The following EPYC variants were observed in gnomAD, a reference collection of about 807,000 sequenced individuals.
EPYC encodes dermatan sulfate proteoglycan 3.
In EPYC, 28 loss-of-function variants were observed where a neutral mutation model predicts 30.1. That is an observed-to-expected ratio of 0.93 (90% CI 0.69 to 1.28). The LOEUF (loss-of-function observed/expected upper bound fraction) is 1.28. EPYC is among the 50% of genes most tolerant of loss of function. EPYC has a pLI of 0.00. For synonymous variants in EPYC, 144 were observed against 141.4 expected, an observed-to-expected ratio of 1.02 and a Z score of -0.13; for missense variants, 382 against 383.5, an observed-to-expected ratio of 1.00 and a Z score of 0.03.
chr12:90,999,284 T>C (rs1377026659), intron 2 of EPYC, among the ~76,000 whole-genome samples: 2 of 152,084 alleles, frequency 1.3e-5, no homozygotes, highest in African/African-American at 2.4e-5. Context: ...ATCAAAGGCC[T>C]TAAGAATTAA....
rs148209465 is a variant in EPYC, at chr12:90,976,412, G to A, written c.340+1676C>T. Among the ~76,000 whole-genome samples, 29 of 152,094 alleles carry A rather than the reference G, an allele frequency of 1.9e-4. No homozygotes were observed. The East Asian group carries it at 5.4e-3, about 28-fold the overall frequency. On this transcript the variant is annotated intron_variant, in intron 3 of 6. Transcript: ENST00000261172. ...TTTAATCCTGACAACACCTCTATAA[G>A]GTAAGTTCTATTATTTATTATCCCA... is the stretch of plus-strand genomic sequence containing the variant.
chr12:90,995,954 A>G (rs1478006834), intron 2 of EPYC, among the ~76,000 whole-genome samples: 1 of 151,924 alleles, frequency 6.6e-6, no homozygotes, highest in Admixed American at 6.6e-5. Flanking sequence ...GGAAAAAGAT[A>G]TTTAATTCAG....
At chr12:90,978,535 C>G (rs570028694) in intron 2 of EPYC, among the ~76,000 whole-genome samples, 1 of 146,800 alleles carries the variant, frequency 6.8e-6, no homozygotes, top group South Asian at 2.2e-4. Context: ...TATGTTTGTT[C>G]ATTTCATAGG....
chr12:90,990,964 G>A (rs1877570584), intron 2 of EPYC, among the ~76,000 whole-genome samples: 1 of 151,900 alleles, frequency 6.6e-6, no homozygotes, highest in African/African-American at 2.4e-5. Context: ...AGTTATCGTA[G>A]AATAAACTAT....
chr12:90,995,779 G>A lies in EPYC; in HGVS notation c.165+6622C>T, dbSNP rs375789628. On this transcript the variant is annotated intron_variant, in intron 2 of 6. Coordinates refer to ENST00000261172, the MANE Select transcript of EPYC (RefSeq NM_004950.5). ...TAAGTTTTTAAGGTTCTTAAATACT[G>A]TAGCTTAGGATGAGAATTAAATAGT... Among the ~76,000 whole-genome samples, 19 of 151,810 alleles carry A rather than the reference G, an allele frequency of 1.3e-4. No individual in the cohort carries two copies. In the East Asian group the frequency reaches 1.7e-3, roughly 14 times the overall value.
intron 6 of EPYC, among the ~76,000 whole-genome samples, chr12:90,969,297 A>G (rs1876975623): frequency 6.6e-6 from 1 of 151,938 alleles, no homozygotes; most frequent in African/African-American, 2.4e-5. Flanking sequence ...GAACAGATCA[A>G]TTGATTAGAG....
chr12:90,972,800 C>T lies in EPYC; in HGVS notation c.499+22G>A, dbSNP rs189927191. On this transcript the variant is annotated intron_variant, in intron 4 of 6. Coordinates refer to ENST00000261172, the MANE Select transcript of EPYC (RefSeq NM_004950.5). The stretch of plus-strand genomic sequence containing the variant: ...AAGGAAGTGTGTAAAGCGGTGAAGG[C>T]CGTTAATGCTGTCATCCATACTTAG... 2,411 of 1,607,048 alleles carry T rather than the reference C, an allele frequency of 1.5e-3. 63 individuals are homozygous for T. In the Admixed American group the frequency reaches 0.038, roughly 25 times the overall value.
chr12:90,993,634 A>T (rs945281839), intron 2 of EPYC, among the ~76,000 whole-genome samples: 1 of 151,580 alleles, frequency 6.6e-6, no homozygotes, highest in African/African-American at 2.4e-5. Flanking sequence ...CCCAACTGTT[A>T]TTTTTTCTTT....
intron 3 of EPYC, among the ~76,000 whole-genome samples, chr12:90,977,008 G>C (rs1473441944): frequency 1.3e-5 from 2 of 151,908 alleles, no homozygotes; most frequent in Non-Finnish European, 2.9e-5. Context: ...CCCAATCTTG[G>C]GTATGTCTTT....
Position 90,972,948 on chromosome 12 carries a change from TTATACAAG to T in EPYC, c.365_372del (p.Thr122LysfsTer7). 1 of 1,606,078 alleles carries T rather than the reference TTATACAAG, an allele frequency of 6.2e-7. No individual in the cohort carries two copies. Among genetic ancestry groups the T allele is most frequent in the Non-Finnish European group, 8.5e-7 (1 of 1,175,266 alleles). On this transcript the variant is annotated frameshift_variant, in exon 4 of 7. Coordinates refer to ENST00000261172, the MANE Select transcript of EPYC (RefSeq NM_004950.5). LOFTEE classifies it high-confidence loss of function. ...TGGTCATCACAGTACACGGTGGTAC[TTATACAAG>T]TACACAAAAGACAGGTTGGAAAGTC...
chr12:90,967,040 T>C (rs1876915760), intron 6 of EPYC, among the ~76,000 whole-genome samples: 1 of 152,088 alleles, frequency 6.6e-6, no homozygotes, highest in Non-Finnish European at 1.5e-5. Flanking sequence ...ATATGTCAAT[T>C]TGTTGATCTT....
intron 2 of EPYC, among the ~76,000 whole-genome samples, chr12:90,999,616 T>C (rs1877774712): frequency 6.6e-6 from 1 of 152,048 alleles, no homozygotes; most frequent in African/African-American, 2.4e-5. Context: ...TCATATGAAA[T>C]CAAGAACATT....
intron 2 of EPYC, among the ~76,000 whole-genome samples, chr12:90,986,488 C>T (rs571390900): frequency 1.4e-4 from 22 of 152,228 alleles, no homozygotes; most frequent in Admixed American, 3.9e-4. Flanking sequence ...CTATACTCTG[C>T]GCTCTCAAAT....
At chr12:90,985,164 G>A (rs1877421165) in intron 2 of EPYC, among the ~76,000 whole-genome samples, 1 of 152,058 alleles carries the variant, frequency 6.6e-6, no homozygotes, top group Admixed American at 6.6e-5. Context: ...CAGATCATGG[G>A]GACTGGAGTC....
chr12:90,996,004 T>G (rs980426829), intron 2 of EPYC, among the ~76,000 whole-genome samples: 40 of 151,954 alleles, frequency 2.6e-4, no homozygotes, highest in Non-Finnish European at 4.4e-5. Flanking sequence ...CATAAAGTGT[T>G]GAGTATGCAA....
At chr12:90,994,358 T>G (rs1378196099) in intron 2 of EPYC, among the ~76,000 whole-genome samples, 1 of 152,192 alleles carries the variant, frequency 6.6e-6, no homozygotes, top group Non-Finnish European at 1.5e-5. Flanking sequence ...AGGTTCTGTA[T>G]TAAACAGCTA....
In EPYC at chr12:90,964,262, C is replaced by T. The variant is rs764617595; in HGVS notation, c.863G>A (p.Arg288His). The T allele has an allele frequency of 3.9e-5, 63 of 1,612,638 alleles. No homozygotes were observed. The highest frequency in any genetic ancestry group is 4.7e-5 in the Non-Finnish European group (56 of 1,179,032). Residue 288 changes from arginine to histidine, a missense_variant, in exon 7 of 7, where the codon CGT (arginine) becomes CAT (histidine). By Grantham distance (29) the Arg-to-His change is conservative. Coordinates refer to ENST00000261172, the MANE Select transcript of EPYC (RefSeq NM_004950.5). ...CAATCGAATGTCCTCTAGTGCCTTA[C>T]GAATATAAGTCAAATTTTTAACATT... ...FCNVKNLTYI[R>H]KALEDIRLDG...
intron 2 of EPYC, among the ~76,000 whole-genome samples, 190 bp downstream of exon 2, chr12:91,002,211 A>AAAAAAAG (rs1555216339): frequency 8.1e-4 from 114 of 140,266 alleles, no homozygotes; most frequent in Non-Finnish European, 1.5e-3. Flanking sequence ...AAAAAAAAAA[A>AAAAAAAG]GGGCAAAAGA....
chr12:90,994,890 G>C (rs368366025), intron 2 of EPYC, among the ~76,000 whole-genome samples: 2 of 152,172 alleles, frequency 1.3e-5, no homozygotes. Context: ...GAATTTATCT[G>C]TCTCTCAATT....
Sources: allele counts gnomAD v4.1 joint callset (sites outside exome capture counted in the v4.1 genomes callset), GRCh38; gene constraint gnomAD v4.1.1; transcripts MANE v1.5; gene names NCBI Gene and HGNC (gene_info 2026-07-23, HGNC 2026-07-21).